The following RYR2 variants were observed in gnomAD, a reference collection of about 807,000 sequenced individuals.
RYR2 encodes the protein cardiac muscle ryanodine receptor-calcium release channel.
Under a neutral mutation model 601.1 loss-of-function variants are expected in RYR2, and 227 were observed. The observed-to-expected ratio is 0.38, with a 90% CI of 0.34 to 0.42. The LOEUF is 0.42. Ranked by LOEUF, RYR2 falls within the 10% of genes least tolerant of loss-of-function variation. The pLI is 1.00. For synonymous variants in RYR2, 2,223 were observed against 2,175.1 expected (o/e 1.02, Z -0.61); for missense variants, 4,646 against 6,156.5 (o/e 0.75, Z 8.21).
intron 70 of RYR2, among the ~76,000 whole-genome samples, chr1:237,709,892 G>A (rs1437025528): frequency 1.3e-5 from 2 of 152,114 alleles, no homozygotes; most frequent in East Asian, 3.9e-4. Context: ...TTTGAGACGT[G>A]CTTAAATAGA....
chr1:237,705,630 A>G (rs1036603142), intron 67 of RYR2, among the ~76,000 whole-genome samples: 1 of 152,138 alleles, frequency 6.6e-6, no homozygotes. Context: ...TCCTAGAGGT[A>G]GAGTCATCTT....
At chr1:237,627,725 G>T in intron 40 of RYR2, 82 bp from the exon 41 acceptor site, 1 of 1,379,108 alleles carries the variant, frequency 7.3e-7, no homozygotes, top group Non-Finnish European at 9.7e-7. Flanking sequence ...CAATTTGGGG[G>T]TACAGGATAT....
At chr1:237,493,665 G>T (rs181307979) in intron 19 of RYR2, among the ~76,000 whole-genome samples, 4 of 152,258 alleles carry the variant, frequency 2.6e-5, no homozygotes, top group South Asian at 4.1e-4. Flanking sequence ...TGTTAGCCAG[G>T]ATGGTCTCGA....
At chr1:237,766,661 G>A (rs1244728833) in intron 84 of RYR2, among the ~76,000 whole-genome samples, 1 of 152,208 alleles carries the variant, frequency 6.6e-6, no homozygotes, top group East Asian at 1.9e-4. Context: ...ATTTCAGTGA[G>A]AGTCTTGACA....
intron 1 of RYR2, among the ~76,000 whole-genome samples, chr1:237,245,284 C>T (rs1311972803): frequency 6.6e-6 from 1 of 152,028 alleles, no homozygotes. Flanking sequence ...CTTTGGAAGC[C>T]CTTGTAGTTC....
intron 72 of RYR2, 101 bp downstream of exon 72, chr1:237,717,469 A>G: frequency 9.9e-7 from 1 of 1,010,814 alleles, no homozygotes; most frequent in Non-Finnish European, 1.4e-6. Context: ...TTTCATTTGC[A>G]TTACATGTTT....
intron 8 of RYR2, among the ~76,000 whole-genome samples, chr1:237,384,827 A>T (rs908815295): frequency 1.5e-4 from 23 of 152,136 alleles, no homozygotes; most frequent in African/African-American, 5.3e-4. Flanking sequence ...TAGCACGTTG[A>T]TTATGATTTA....
chr1:237,529,639 C>T (rs748552161), intron 24 of RYR2, among the ~76,000 whole-genome samples: 7 of 151,900 alleles, frequency 4.6e-5, no homozygotes, highest in Non-Finnish European at 7.4e-5. Context: ...AATATTATGC[C>T]GTTATTTCTT....
chr1:237,745,626 A>G (rs1397274199), intron 80 of RYR2, among the ~76,000 whole-genome samples: 1 of 152,214 alleles, frequency 6.6e-6, no homozygotes, highest in Non-Finnish European at 1.5e-5. Context: ...AAAGACGACA[A>G]GTGATGGCAT....
At chr1:237,574,799 C>T (rs1056668743) in intron 29 of RYR2, among the ~76,000 whole-genome samples, 2 of 152,134 alleles carry the variant, frequency 1.3e-5, no homozygotes, top group African/African-American at 4.8e-5. Flanking sequence ...AACCAGGGAG[C>T]TTGGAAGATG....
At chr1:237,542,528 C>CTGTCTTCGACTGAAT (rs1669410796) in intron 25 of RYR2, among the ~76,000 whole-genome samples, 1 of 152,180 alleles carries the variant, frequency 6.6e-6, no homozygotes, top group Admixed American at 6.5e-5. Context: ...TCTGACTTTG[C>CTGTCTTCGACTGAAT]TGTCTTCGAC....
chr1:237,092,484 A>G (rs1667063929), intron 1 of RYR2, among the ~76,000 whole-genome samples: 1 of 149,298 alleles, frequency 6.7e-6, no homozygotes, highest in African/African-American at 2.5e-5. Context: ...TTGTTTATAT[A>G]TGTGGTATAC....
intron 2 of RYR2, among the ~76,000 whole-genome samples, chr1:237,303,971 G>A (rs1343450965): frequency 1.3e-5 from 2 of 152,198 alleles, no homozygotes; most frequent in East Asian, 1.9e-4. Context: ...ATTTTCTGTC[G>A]GGTGTAAGAG....
At chr1:237,168,442 C>A (rs1229950761) in intron 1 of RYR2, among the ~76,000 whole-genome samples, 6 of 152,086 alleles carry the variant, frequency 3.9e-5, no homozygotes, top group African/African-American at 1.4e-4. Flanking sequence ...TCTATCTTCT[C>A]ATAACTCTGC....
chr1:237,570,217 C>CAAAAA (rs371744146), intron 29 of RYR2, among the ~76,000 whole-genome samples: 2 of 130,210 alleles, frequency 1.5e-5, no homozygotes, highest in Non-Finnish European at 3.2e-5. Context: ...GACTGCATCT[C>CAAAAA]AAAAAAAAAA....
At chr1:237,081,489 T>C (rs1409206302) in intron 1 of RYR2, among the ~76,000 whole-genome samples, 1 of 122,956 alleles carries the variant, frequency 8.1e-6, no homozygotes, top group East Asian at 2.1e-4. Flanking sequence ...TATATGTATA[T>C]ACATATATAA....
intron 85 of RYR2, among the ~76,000 whole-genome samples, chr1:237,771,415 TAA>T (rs5781990): frequency 2.8e-5 from 4 of 143,310 alleles, no homozygotes; most frequent in African/African-American, 1.0e-4. Flanking sequence ...TGTCTCTCAA[TAA>T]AAAAAAAAAA....
chr1:237,310,931 A>G (rs1694485681), intron 2 of RYR2, among the ~76,000 whole-genome samples: 1 of 152,204 alleles, frequency 6.6e-6, no homozygotes, highest in Non-Finnish European at 1.5e-5. Context: ...TAGAAGTTTC[A>G]CAGTTAGGGT....
intron 46 of RYR2, 87 bp from the exon 47 acceptor site, chr1:237,640,810 A>T (rs1681386585): frequency 2.0e-6 from 2 of 995,814 alleles, no homozygotes; most frequent in African/African-American, 1.6e-5. Context: ...GTTACCTAGT[A>T]GTCCCTTTCC....
Sources: allele counts gnomAD v4.1 joint callset (sites outside exome capture counted in the v4.1 genomes callset), GRCh38; gene constraint gnomAD v4.1.1; transcripts MANE v1.5; gene names NCBI Gene and HGNC (gene_info 2026-07-23, HGNC 2026-07-21).